Variants in TPD52L1 observed in about 807,000 individuals in gnomAD.
TPD52L1 encodes the protein tumor protein D53.
Under a neutral mutation model 28.7 loss-of-function variants are expected in TPD52L1, and 18 were observed. That is an observed-to-expected ratio of 0.63 (90% confidence interval 0.43 to 0.93). TPD52L1 has a LOEUF of 0.93. Among genes scored for constraint, TPD52L1 ranks in the 40% least tolerant of loss-of-function variants. The probability of loss-of-function intolerance (pLI) is 0.00; values close to 1 mark genes in which losing one functional copy is unlikely to be tolerated. For synonymous variants in TPD52L1, 75 were observed against 88.8 expected (o/e 0.84, Z 0.88); for missense variants, 203 against 254.8 (o/e 0.80, Z 1.39).
chr6:125,202,129 C>G (rs1002338029), intron 1 of TPD52L1, among the ~76,000 whole-genome samples: 4 of 152,144 alleles, frequency 2.6e-5, no homozygotes, highest in African/African-American at 9.7e-5. Context: ...CTGTCTAACC[C>G]TCGCCTTTGC....
chr6:125,179,507 T>A (rs2114814706), intron 1 of TPD52L1, among the ~76,000 whole-genome samples: 2 of 152,328 alleles, frequency 1.3e-5, no homozygotes, highest in East Asian at 3.9e-4. Context: ...TAGTTTTCCT[T>A]ACTATTAATG....
intron 1 of TPD52L1, among the ~76,000 whole-genome samples, chr6:125,211,965 A>C (rs1373658841): frequency 6.6e-6 from 1 of 152,320 alleles, no homozygotes; most frequent in South Asian, 2.1e-4. Context: ...AACTTGTTTT[A>C]TATCTTTAAT....
At chr6:125,174,066 T>C (rs1791672117) in intron 1 of TPD52L1, among the ~76,000 whole-genome samples, 1 of 152,162 alleles carries the variant, frequency 6.6e-6, no homozygotes, top group East Asian at 1.9e-4. Flanking sequence ...ATCTACAAAA[T>C]GGTGGAAATG....
chr6:125,188,383 C>A (rs1225556231), intron 1 of TPD52L1, among the ~76,000 whole-genome samples: 1 of 152,146 alleles, frequency 6.6e-6, no homozygotes, highest in Non-Finnish European at 1.5e-5. Context: ...TTTACTCCTA[C>A]CCTTACCTTC....
intron 1 of TPD52L1, among the ~76,000 whole-genome samples, chr6:125,185,754 A>C (rs544665834): frequency 5.3e-5 from 8 of 152,284 alleles, no homozygotes; most frequent in African/African-American, 1.9e-4. Flanking sequence ...ATAAATTCAA[A>C]AGTTAATTTG....
chr6:125,211,261 G>GTCTATCTA (rs58864276), intron 1 of TPD52L1, among the ~76,000 whole-genome samples: 12,383 of 148,888 alleles, frequency 0.083, 524 homozygotes, highest in Non-Finnish European at 0.11. Context: ...ATATGGATCT[G>GTCTATCTA]TCTATCTATC....
chr6:125,239,458 A>G (rs1182618267), intron 3 of TPD52L1, among the ~76,000 whole-genome samples: 3 of 152,234 alleles, frequency 2.0e-5, no homozygotes, highest in African/African-American at 7.2e-5. Flanking sequence ...AGAGAGAATG[A>G]GAGCCAAGCG....
At chr6:125,188,307 T>G (rs1219511939) in intron 1 of TPD52L1, among the ~76,000 whole-genome samples, 2 of 152,168 alleles carry the variant, frequency 1.3e-5, no homozygotes, top group Non-Finnish European at 2.9e-5. Context: ...CTTCACCTAG[T>G]AAGAGCTGAT....
At chr6:125,256,388 T>C (rs911837780) in intron 5 of TPD52L1, among the ~76,000 whole-genome samples, 1 of 152,100 alleles carries the variant, frequency 6.6e-6, no homozygotes, top group African/African-American at 2.4e-5. Context: ...AAGGTTCTAT[T>C]TGGTAAGAGA....
chr6:125,182,146 C>T (rs1792237304), intron 1 of TPD52L1, among the ~76,000 whole-genome samples: 1 of 152,174 alleles, frequency 6.6e-6, no homozygotes, highest in South Asian at 2.1e-4. Context: ...GAGTAACTGC[C>T]TGGGGCCTTT....
At chr6:125,194,376 A>G (rs1793275233) in intron 1 of TPD52L1, among the ~76,000 whole-genome samples, 1 of 152,200 alleles carries the variant, frequency 6.6e-6, no homozygotes, top group Non-Finnish European at 1.5e-5. Flanking sequence ...CGCAGCACCA[A>G]GAAAGTAGTG....
intron 1 of TPD52L1, among the ~76,000 whole-genome samples, chr6:125,219,693 T>A (rs1795100287): frequency 6.6e-6 from 1 of 152,192 alleles, no homozygotes; most frequent in Admixed American, 6.5e-5. Flanking sequence ...CCTTGGGGCC[T>A]ACAATTTACA....
At chr6:125,162,122 A>G (rs1189362072) in intron 1 of TPD52L1, among the ~76,000 whole-genome samples, 1 of 152,212 alleles carries the variant, frequency 6.6e-6, no homozygotes, top group Admixed American at 6.5e-5. Flanking sequence ...ATGATTTTTA[A>G]GAGTATTATT....
At chr6:125,229,322 T>A in intron 3 of TPD52L1, 56 bp downstream of exon 3, 2 of 1,486,960 alleles carry the variant, frequency 1.3e-6, no homozygotes, top group Non-Finnish European at 1.8e-6. Context: ...CCTCACTCTG[T>A]TGTGTTTTGT....
chr6:125,246,376 G>A (rs1038708600), intron 3 of TPD52L1, among the ~76,000 whole-genome samples: 17 of 152,032 alleles, frequency 1.1e-4, no homozygotes, highest in East Asian at 3.9e-4. Context: ...GAATTCTTTC[G>A]GTGTTCCTGG....
chr6:125,245,858 A>G lies in TPD52L1; in HGVS notation c.285-2424A>G, dbSNP rs1009089922. ...AGGCTTCCCTGCTGAGAAAGCAAGC[A>G]CAGCTTTCAGGCCTCGCCCCTACCT... is the stretch of plus-strand genomic sequence containing the variant. On this transcript the variant is annotated intron_variant, in intron 3 of 6. Coordinates refer to ENST00000534000, the MANE Select transcript of TPD52L1 (RefSeq NM_003287.4). 3.3e-5 allele frequency among the ~76,000 whole-genome samples: 5 copies of G among 152,160 alleles called. No individual in the cohort carries two copies. In the East Asian group the frequency reaches 7.7e-4, roughly 23 times the overall value.
At chr6:125,255,052 A>G (rs1283280637) in intron 5 of TPD52L1, among the ~76,000 whole-genome samples, 1 of 152,182 alleles carries the variant, frequency 6.6e-6, no homozygotes, top group African/African-American at 2.4e-5. Flanking sequence ...TCTCCCTAGA[A>G]TAAGAATGCC....
intron 3 of TPD52L1, among the ~76,000 whole-genome samples, chr6:125,245,119 G>A (rs1339483414): frequency 6.6e-6 from 1 of 152,196 alleles, no homozygotes; most frequent in African/African-American, 2.4e-5. Context: ...TTGCTCTGGT[G>A]GAGGTGGCAG....
At chr6:125,234,365 T>C (rs1178013969) in intron 3 of TPD52L1, 1 of 152,204 alleles carries the variant, frequency 6.6e-6, no homozygotes, top group African/African-American at 2.4e-5. Context: ...TCAGTTGTTC[T>C]CTTGAGTTAG....
Sources: allele counts gnomAD v4.1 joint callset (sites outside exome capture counted in the v4.1 genomes callset), GRCh38; gene constraint gnomAD v4.1.1; transcripts MANE v1.5; gene names NCBI Gene and HGNC (gene_info 2026-07-23, HGNC 2026-07-21).